CEP135: variants seen among roughly 807,000 people sequenced by gnomAD.
CEP135 encodes centrosomal protein 135, also known as centrosomal protein of 135 kDa.
A neutral mutation model predicts 157.3 loss-of-function variants in CEP135; 142 were observed. That is an observed-to-expected ratio of 0.90 (90% CI 0.79 to 1.04). CEP135 has a LOEUF of 1.04. Among genes scored for constraint, CEP135 ranks in the 50% least tolerant of loss-of-function variants. The probability of loss-of-function intolerance (pLI) is 0.00; values close to 1 mark genes in which losing one functional copy is unlikely to be tolerated. For missense variants in CEP135, 1,317 were observed against 1,309.2 expected (o/e 1.01, Z -0.09); for synonymous variants, 396 against 439.8 (o/e 0.90, Z 1.25).
chr4:55,986,703 T>A (rs1729600034), intron 14 of CEP135, among the ~76,000 whole-genome samples: 1 of 152,214 alleles, frequency 6.6e-6, no homozygotes, highest in African/African-American at 2.4e-5. Flanking sequence ...GTACAGTTTG[T>A]TATATGGGTA....
chr4:55,998,015 T>C lies in CEP135; in HGVS notation c.2010-1287T>C, dbSNP rs181003437. Among the ~76,000 whole-genome samples the C allele has an allele frequency of 2.6e-5, 4 of 152,346 alleles. No homozygotes were observed. In the East Asian group the frequency reaches 5.8e-4, roughly 22 times the overall value. The stretch of plus-strand genomic sequence containing the variant: ...TCCCTACCTCTTGATCATCATTCAC[T>C]TGCTGTTAGAACAGTCAGGGTCATG... On this transcript the variant is annotated intron_variant, in intron 15 of 25. Coordinates refer to ENST00000257287, the MANE Select transcript of CEP135 (RefSeq NM_025009.5).
intron 5 of CEP135, 30 bp from the exon 6 acceptor site, chr4:55,959,652 G>T: frequency 1.3e-6 from 2 of 1,550,632 alleles, no homozygotes; most frequent in South Asian, 1.1e-5. Flanking sequence ...TAACAAAAGT[G>T]TATTGGCATT....
At chr4:55,969,855 C>G (rs1417682135) in intron 9 of CEP135, among the ~76,000 whole-genome samples, 2 of 152,042 alleles carry the variant, frequency 1.3e-5, no homozygotes, top group African/African-American at 4.8e-5. Flanking sequence ...AAAAGGCACT[C>G]CATCCTCTTT....
At chr4:55,996,314 G>T (rs542001531) in intron 15 of CEP135, among the ~76,000 whole-genome samples, 89 of 152,224 alleles carry the variant, frequency 5.8e-4, no homozygotes, top group African/African-American at 1.9e-3. Flanking sequence ...TGGAGACAGG[G>T]TCTCACAATG....
Position 55,999,606 on chromosome 4 carries a change from A to C in CEP135, c.2241A>C (p.Thr747=), listed in dbSNP as rs777051845. ...DFLQETVDEK[T]EKIANLQENL... The stretch of plus-strand genomic sequence containing the variant: ...TCCAGGAGACTGTAGATGAGAAGAC[A>C]GAAAAGATTGCAAATTTGCAAGAAA... Residue 747 remains threonine, a synonymous_variant, in exon 17 of 26, where the codon ACA becomes ACC. Coordinates refer to ENST00000257287, the MANE Select transcript of CEP135 (RefSeq NM_025009.5). 1.3e-6 allele frequency: 2 copies of C among 1,599,856 alleles called. No homozygotes were observed. Among genetic ancestry groups the C allele is most frequent in the South Asian group, 2.3e-5 (2 of 87,944 alleles).
At chr4:55,964,825 A>ATATT (rs1157295020) in intron 7 of CEP135, 1 of 151,272 alleles carries the variant, frequency 6.6e-6, no homozygotes, top group Non-Finnish European at 1.5e-5. Context: ...TTATGAGTAT[A>ATATT]TATTTATTTT....
At chr4:55,974,452 T>C (rs1729125795) in intron 10 of CEP135, among the ~76,000 whole-genome samples, 2 of 152,186 alleles carry the variant, frequency 1.3e-5, no homozygotes, top group South Asian at 4.1e-4. Context: ...GAAAGTACTA[T>C]GTGGTAATTT....
intron 15 of CEP135, 151 bp from the exon 16 acceptor site, chr4:55,999,151 A>G (rs781635859): frequency 1.0e-5 from 6 of 592,278 alleles, no homozygotes; most frequent in East Asian, 5.8e-5. Context: ...AATAATATAT[A>G]ATGCCATAGA....
chr4:55,969,399 C>CCTGGGCA (rs1234708822), intron 9 of CEP135, among the ~76,000 whole-genome samples: 2 of 148,852 alleles, frequency 1.3e-5, no homozygotes, highest in Non-Finnish European at 3.0e-5. Context: ...TGCACTCCAG[C>CCTGGGCA]CTGGGCAACA....
At chr4:56,029,199 A>C (rs1261781322) in intron 25 of CEP135, among the ~76,000 whole-genome samples, 1 of 152,240 alleles carries the variant, frequency 6.6e-6, no homozygotes, top group African/African-American at 2.4e-5. Context: ...AAGCATCGCC[A>C]AGTGTTCAGC....
chr4:55,985,090 C>T (rs1729532059), intron 13 of CEP135, among the ~76,000 whole-genome samples, 191 bp from the exon 14 acceptor site: 1 of 152,146 alleles, frequency 6.6e-6, no homozygotes, highest in African/African-American at 2.4e-5. Flanking sequence ...AAGATGAGAA[C>T]GTATTGTGCC....
intron 19 of CEP135, 71 bp from the exon 20 acceptor site, chr4:56,011,341 T>C: frequency 9.9e-7 from 1 of 1,010,806 alleles, no homozygotes; most frequent in Non-Finnish European, 1.5e-6. Flanking sequence ...CCAAAGGAAT[T>C]ATTTGAATAT....
At chr4:55,985,201 G>A in intron 13 of CEP135, 80 bp from the exon 14 acceptor site, 1 of 678,572 alleles carries the variant, frequency 1.5e-6, no homozygotes, top group Non-Finnish European at 2.6e-6. Context: ...TAATAGAACT[G>A]TAGACTTACA....
chr4:56,017,499 A>AAT (rs1430229375), intron 21 of CEP135, 149 bp from the exon 22 acceptor site: 1 of 598,000 alleles, frequency 1.7e-6, no homozygotes, highest in Non-Finnish European at 2.9e-6. Context: ...GTCATCTTTA[A>AAT]ATAGTAGGCA....
Position 55,959,772 on chromosome 4 carries a change from A to T in CEP135, c.699+6A>T. The stretch of plus-strand genomic sequence containing the variant: ...TGAGAGACTATAGCAAGCAGGTAGG[A>T]TTTTTATTTACTTGCATAGTAGGGA... On this transcript the variant is annotated splice_donor_region_variant and intron_variant, in intron 6 of 25. Coordinates refer to ENST00000257287, the MANE Select transcript of CEP135 (RefSeq NM_025009.5). 6.2e-7 allele frequency: 1 copy of T among 1,604,144 alleles called. No individual in the cohort carries two copies. The highest frequency in any genetic ancestry group is 8.5e-7 in the Non-Finnish European group (1 of 1,171,016).
rs556101805 is a variant in CEP135, at chr4:55,981,317, C to T, written c.1717C>T (p.Leu573Phe). 6.9e-5 allele frequency: 110 copies of T among 1,595,936 alleles called. No individual in the cohort carries two copies. The East Asian group carries it at 9.6e-4, about 14-fold the overall frequency. The change falls in exon 13 of 26, where the codon CTT (leucine) becomes TTT (phenylalanine). Residue 573 changes from leucine to phenylalanine, a missense_variant. Transcript: ENST00000257287. ...IVSLMEKEKE[L>F]ALSDLRRIMA... ...TAGTCTTATGGAAAAGGAAAAAGAA[C>T]TTGCGTTATCTGACTTAAGAAGAAT... is the stretch of plus-strand genomic sequence containing the variant.
chr4:56,014,480 T>C (rs1213314440), intron 21 of CEP135, among the ~76,000 whole-genome samples: 1 of 152,230 alleles, frequency 6.6e-6, no homozygotes, highest in Non-Finnish European at 1.5e-5. Context: ...GCCAGAAATA[T>C]GAATGTTTCC....
chr4:55,957,992 A>T (rs1225880860), intron 5 of CEP135, among the ~76,000 whole-genome samples: 3 of 152,222 alleles, frequency 2.0e-5, no homozygotes, highest in Admixed American at 6.5e-5. Context: ...AAAGGAATGG[A>T]TGAGCACTAG....
Position 56,020,742 on chromosome 4 carries a change from T to A in CEP135, c.3282T>A (p.Asp1094Glu), listed in dbSNP as rs202045803. The change falls in exon 24 of 26, where the codon GAT becomes GAA. Residue 1094 changes from aspartate (D) to glutamate (E), a missense_variant. Asp to Glu is a conservative substitution (Grantham distance 45). Transcript: ENST00000257287. ...TGGCACAGTTACAAACAGATTATGA[T>A]GCTCTGAAAAGGCAGATCTCAACTG... ...AKVAQLQTDY[D>E]ALKRQISTER... The A allele has an allele frequency of 9.9e-6, 16 of 1,613,720 alleles. No individual in the cohort carries two copies. The highest frequency in any genetic ancestry group is 8.3e-5 in the Admixed American group (5 of 59,994).
Sources: gnomAD v4.1 joint callset for allele counts (sites outside exome capture counted in the v4.1 genomes callset) on GRCh38, gnomAD v4.1.1 for gene constraint, MANE v1.5 for transcripts, NCBI Gene and HGNC (gene_info 2026-07-23, HGNC 2026-07-21) for gene names.